The following PTPN9 variants were observed in gnomAD, a reference collection of about 807,000 sequenced individuals.
The protein encoded by PTPN9 is protein tyrosine phosphatase non-receptor type 9.
PTPN9 carries 26 observed loss-of-function variants against 69.8 expected under a neutral mutation model. The ratio of observed to expected loss-of-function variants is 0.37; its 90% CI spans 0.27 to 0.52. The LOEUF (loss-of-function observed/expected upper bound fraction) is 0.52. PTPN9 is among the 20% of genes least tolerant of loss of function. PTPN9 has a pLI of 0.91. For missense variants in PTPN9, 549 were observed against 740.3 expected (o/e 0.74, Z 3.00); for synonymous variants, 274 against 272.5 (o/e 1.01, Z -0.05).
chr15:75,529,201 G>A (rs1224605421), intron 1 of PTPN9, among the ~76,000 whole-genome samples: 1 of 152,024 alleles, frequency 6.6e-6, no homozygotes, highest in Non-Finnish European at 1.5e-5. Context: ...TGGCCAGGCT[G>A]GTCTCCAACT....
chr15:75,563,750 C>T (rs182231609), intron 1 of PTPN9, among the ~76,000 whole-genome samples: 2 of 152,304 alleles, frequency 1.3e-5, no homozygotes, highest in Admixed American at 1.3e-4. Context: ...ACAAGTCCTC[C>T]TCCTTGACAG....
intron 7 of PTPN9, among the ~76,000 whole-genome samples, chr15:75,504,447 C>A (rs1344411905): frequency 1.3e-4 from 18 of 136,300 alleles, no homozygotes; most frequent in African/African-American, 4.8e-4. Flanking sequence ...ATCAGCCCCC[C>A]GCCCGGCCAG....
intron 9 of PTPN9, among the ~76,000 whole-genome samples, chr15:75,474,149 CT>C (rs1024532097): frequency 6.6e-6 from 1 of 152,194 alleles, no homozygotes; most frequent in Non-Finnish European, 1.5e-5. Flanking sequence ...TCACAGATTG[CT>C]TACTAAACCA....
At chr15:75,495,039 TAATA>T (rs1246989097) in intron 7 of PTPN9, among the ~76,000 whole-genome samples, 1 of 151,796 alleles carries the variant, frequency 6.6e-6, no homozygotes, top group Non-Finnish European at 1.5e-5. Context: ...AATAAATAAA[TAATA>T]AATAGATTGA....
chr15:75,524,267 A>C lies in PTPN9; in HGVS notation c.239T>G (p.Leu80Arg). The C allele has an allele frequency of 6.2e-7, 1 of 1,612,742 alleles. No homozygotes were observed. Among genetic ancestry groups the C allele is most frequent in the African/African-American group, 1.3e-5 (1 of 74,998 alleles). Reference sequence around the variant, plus strand: ...ACGAAGAGGTTCCTCATGAGGTTTCAGCTTTACAATGCCTTCCTTCCTTCG... The same window carrying C: ...ACGAAGAGGTTCCTCATGAGGTTTCCGCTTTACAATGCCTTCCTTCCTTCG... ...ETRRKEGIVKLKPHEEPLRSE... is the reference protein window; with the variant it reads ...ETRRKEGIVKRKPHEEPLRSE... Residue 80 changes from leucine to arginine, a missense_variant, in exon 3 of 13, where the codon CTG (leucine) becomes CGG (arginine). By Grantham distance (102) the Leu-to-Arg change is moderately radical (BLOSUM62 -2). Coordinates refer to ENST00000618819, the MANE Select transcript of PTPN9 (RefSeq NM_002833.4).
chr15:75,556,409 G>A (rs1433721469), intron 1 of PTPN9, among the ~76,000 whole-genome samples: 1 of 138,544 alleles, frequency 7.2e-6, no homozygotes, highest in East Asian at 2.2e-4. Context: ...ACAGGGTCTC[G>A]CTCTGTCACC....
chr15:75,495,704 A>G lies in PTPN9; in HGVS notation c.969-5403T>C, dbSNP rs535598214. ...TACACTCCAGCCTGGGCAACATCAA[A>G]ACAACAACCACAACAACAAAACAAA... On this transcript the variant is annotated intron_variant, in intron 7 of 12. Coordinates refer to ENST00000618819, the MANE Select transcript of PTPN9 (RefSeq NM_002833.4). 4.6e-5 allele frequency among the ~76,000 whole-genome samples: 7 copies of G among 151,828 alleles called. No homozygotes were observed. In the East Asian group the frequency reaches 1.2e-3, roughly 25 times the overall value.
intron 5 of PTPN9, among the ~76,000 whole-genome samples, chr15:75,515,577 G>T (rs184734848): frequency 3.9e-5 from 6 of 152,090 alleles, no homozygotes; most frequent in Non-Finnish European, 4.4e-5. Context: ...AGACCAGCCT[G>T]GGCAACATAG....
At chr15:75,508,106 G>T (rs1441390837) in intron 6 of PTPN9, among the ~76,000 whole-genome samples, 1 of 149,902 alleles carries the variant, frequency 6.7e-6, no homozygotes, top group African/African-American at 2.5e-5. Context: ...TCTCTAAGCA[G>T]CTTCCACAGA....
At chr15:75,481,156 G>A (rs1595947737) in intron 8 of PTPN9, among the ~76,000 whole-genome samples, 1 of 71,904 alleles carries the variant, frequency 1.4e-5, no homozygotes, top group Non-Finnish European at 2.7e-5. Flanking sequence ...GCCTCTGCCC[G>A]GCCGAGACCC....
intron 1 of PTPN9, among the ~76,000 whole-genome samples, chr15:75,540,514 G>C (rs760913287): frequency 7.6e-5 from 11 of 144,632 alleles, no homozygotes; most frequent in Non-Finnish European, 1.2e-4. Flanking sequence ...GATCGCACCA[G>C]CCTGGGTGAC....
chr15:75,526,846 C>T (rs1407399704), intron 2 of PTPN9, among the ~76,000 whole-genome samples: 1 of 152,156 alleles, frequency 6.6e-6, no homozygotes, highest in African/African-American at 2.4e-5. Context: ...GAACCCCTAT[C>T]CTGCCACCAG....
At chr15:75,470,176 A>ATTGT (rs111752828) in intron 11 of PTPN9, among the ~76,000 whole-genome samples, 177 bp from the exon 12 acceptor site, 91,067 of 151,644 alleles carry the variant, frequency 0.6, 28,582 homozygotes, top group African/African-American at 0.8. Flanking sequence ...GGGTTGGTTA[A>ATTGT]TTGGAAAAGG....
At position 75,509,014 on chromosome 15, in the gene PTPN9, G is replaced by T; in HGVS notation, c.542C>A (p.Ala181Asp). 1 of 1,613,820 alleles carries T rather than the reference G, an allele frequency of 6.2e-7. No individual in the cohort carries two copies. The highest frequency in any genetic ancestry group is 8.5e-7 in the Non-Finnish European group (1 of 1,179,850). The part of the protein sequence containing the change: ...VLNLLKGAFP[A>D]RLKKVLIVGA... ...CACAATCAGCACCTTCTTCAAACGA[G>T]CTGGAAATGCTCCCTGTGGAGAAAA... Residue 181 changes from alanine to aspartate, a missense_variant, in exon 6 of 13, where the codon GCT becomes GAT. Coordinates refer to ENST00000618819, the MANE Select transcript of PTPN9 (RefSeq NM_002833.4).
At chr15:75,513,025 G>C in intron 5 of PTPN9, 1 of 400,134 alleles carries the variant, frequency 2.5e-6, no homozygotes, top group South Asian at 2.0e-5. Context: ...GGAAAGGTTT[G>C]GGATTGAGGG....
intron 1 of PTPN9, among the ~76,000 whole-genome samples, chr15:75,565,330 T>A (rs560403164): frequency 2.6e-5 from 4 of 152,118 alleles, no homozygotes; most frequent in Admixed American, 2.0e-4. Context: ...TCATAAACAC[T>A]AAATGTGTTG....
At chr15:75,517,662 A>T (rs2074877877) in intron 4 of PTPN9, among the ~76,000 whole-genome samples, 1 of 152,204 alleles carries the variant, frequency 6.6e-6, no homozygotes, top group South Asian at 2.1e-4. Context: ...ACCTACCCAA[A>T]TCATATAACA....
At chr15:75,547,391 G>A (rs949512827) in intron 1 of PTPN9, among the ~76,000 whole-genome samples, 9 of 151,036 alleles carry the variant, frequency 6.0e-5, no homozygotes, top group Non-Finnish European at 1.3e-4. Flanking sequence ...GAGGTCAAGA[G>A]TTCAAGACCA....
chr15:75,503,638 T>A, intron 7 of PTPN9, among the ~76,000 whole-genome samples: 1 of 14,068 alleles, frequency 7.1e-5, no homozygotes, highest in Non-Finnish European at 1.4e-4. Flanking sequence ...GTCCGGGAGG[T>A]GAGGGGCGCC....
Sources: allele counts gnomAD v4.1 joint callset (sites outside exome capture counted in the v4.1 genomes callset), GRCh38; gene constraint gnomAD v4.1.1; transcripts MANE v1.5; gene names NCBI Gene and HGNC (gene_info 2026-07-23, HGNC 2026-07-21).